FGF5: variants seen among roughly 807,000 people sequenced by gnomAD.
The protein encoded by FGF5 is fibroblast growth factor 5, also known as heparin-binding growth factor 5.
In FGF5, 23 loss-of-function variants were observed where a neutral mutation model predicts 21.8. The observed-to-expected ratio is 1.05, with a 90% CI of 0.76 to 1.49. The LOEUF is 1.49. FGF5 is among the 40% of genes most tolerant of loss of function. FGF5 has a pLI of 0.00. For synonymous variants in FGF5, 158 were observed against 124.0 expected (o/e 1.27, Z -1.82); for missense variants, 352 against 332.9 (o/e 1.06, Z -0.45).
chr4:80,278,597 T>C (rs143551409), intron 2 of FGF5, among the ~76,000 whole-genome samples: 6 of 152,302 alleles, frequency 3.9e-5, no homozygotes, highest in Non-Finnish European at 5.9e-5. Context: ...GACACAAATA[T>C]GGCAGACTGA....
At chr4:80,278,775 T>C (rs1189275951) in intron 2 of FGF5, among the ~76,000 whole-genome samples, 1 of 152,196 alleles carries the variant, frequency 6.6e-6, no homozygotes, top group East Asian at 1.9e-4. Context: ...CAAACTTTTA[T>C]TGGTATACTC....
chr4:80,273,627 C>T (rs1320167647), intron 1 of FGF5, among the ~76,000 whole-genome samples: 1 of 152,090 alleles, frequency 6.6e-6, no homozygotes, highest in African/African-American at 2.4e-5. Context: ...AGTATATATG[C>T]TTAGAATATT....
intron 1 of FGF5, 131 bp from the exon 2 acceptor site, chr4:80,274,778 G>A (rs1412081863): frequency 5.4e-6 from 3 of 558,584 alleles, no homozygotes; most frequent in South Asian, 2.4e-5. Flanking sequence ...TGAACAATAA[G>A]GATGTTAAAT....
intron 1 of FGF5, among the ~76,000 whole-genome samples, chr4:80,268,863 C>T (rs1004119007): frequency 6.6e-6 from 1 of 152,164 alleles, no homozygotes; most frequent in South Asian, 2.1e-4. Context: ...AATAACTGCT[C>T]ATTTGGGGGA....
At chr4:80,266,607 G>C (rs1720093719), upstream of FGF5, 1 of 544,400 alleles carries the variant, frequency 1.8e-6, no homozygotes, top group South Asian at 2.7e-5. Context: ...TCGCAGGCGT[G>C]CACGGAGCAG....
chr4:80,270,565 A>C (rs1221334501), intron 1 of FGF5, among the ~76,000 whole-genome samples: 1 of 152,208 alleles, frequency 6.6e-6, no homozygotes, highest in Non-Finnish European at 1.5e-5. Context: ...CCTTATTATG[A>C]GGAAATACTG....
At position 80,266,883 on chromosome 4, in the gene FGF5, C is replaced by A; in HGVS notation, c.59C>A (p.Ala20Asp). 1 of 1,612,748 alleles carries A rather than the reference C, an allele frequency of 6.2e-7. No individual in the cohort carries two copies. Among genetic ancestry groups the A allele is most frequent in the Non-Finnish European group, 8.5e-7 (1 of 1,179,384 alleles). Residue 20 changes from alanine to aspartate, a missense_variant, in exon 1 of 3, where the codon GCT (alanine) becomes GAT (aspartate). Coordinates refer to ENST00000312465, the MANE Select transcript of FGF5 (RefSeq NM_004464.4). ...AGCCACCTGATCCTCAGCGCCTGGG[C>A]TCACGGGGAGAAGCGTCTCGCCCCC... is the stretch of plus-strand genomic sequence containing the variant. ...FFSHLILSAWAHGEKRLAPKG... is the reference protein window; with the variant it reads ...FFSHLILSAWDHGEKRLAPKG...
At position 80,284,604 on chromosome 4, in the gene FGF5, C is replaced by A. The variant is rs1165882889; in HGVS notation, c.460-1721C>A. On this transcript the variant is annotated intron_variant, in intron 2 of 2. Coordinates refer to ENST00000312465, the MANE Select transcript of FGF5 (RefSeq NM_004464.4). Reference sequence around the variant, plus strand: ...CAATGGAACTTTGTTGATTGAACTACACTTAAATATAAGTAACTCCAGTAA... The same window carrying A: ...CAATGGAACTTTGTTGATTGAACTAAACTTAAATATAAGTAACTCCAGTAA... Among the ~76,000 whole-genome samples, 3 of 152,170 alleles carry A rather than the reference C, an allele frequency of 2.0e-5. No individual in the cohort carries two copies. In the East Asian group the frequency reaches 5.8e-4, roughly 29 times the overall value.
In FGF5 at chr4:80,286,587, G is replaced by C. The variant is rs766628874; in HGVS notation, c.722G>C (p.Ser241Thr). Residue 241 changes from serine to threonine, a missense_variant, in exon 3 of 3, where the codon AGC becomes ACC. Physicochemically the swap from Ser to Thr is moderately conservative, Grantham distance 58. Coordinates refer to ENST00000312465, the MANE Select transcript of FGF5 (RefSeq NM_004464.4). ...VTVPEKKKPP[S>T]PIKPKIPLSA... ...GTTCCTGAAAAGAAAAAGCCACCTA[G>C]CCCTATCAAGCCAAAGATTCCCCTT... The C allele has an allele frequency of 1.2e-6, 2 of 1,613,882 alleles. No individual in the cohort carries two copies. Among genetic ancestry groups the C allele is most frequent in the East Asian group, 2.2e-5 (1 of 44,882 alleles).
Position 80,267,109 on chromosome 4 carries a change from G to A in FGF5, c.285G>A (p.Val95=), listed in dbSNP as rs1287644814. Residue 95 remains valine, a synonymous_variant, in exon 1 of 3, where the codon GTG becomes GTA. Transcript: ENST00000312465. ...GRRTGSLYCR[V]GIGFHLQIYP... ...GGACCGGCAGCCTCTACTGCAGAGTGGGCATCGGTTTCCATCTGCAGATCT... is the reference window on the plus strand; with the variant it reads ...GGACCGGCAGCCTCTACTGCAGAGTAGGCATCGGTTTCCATCTGCAGATCT... The A allele has an allele frequency of 6.2e-7, 1 of 1,614,102 alleles. No homozygotes were observed. The highest frequency in any genetic ancestry group is 8.5e-7 in the Non-Finnish European group (1 of 1,179,998).
At chr4:80,277,727 G>A (rs949351771) in intron 2 of FGF5, among the ~76,000 whole-genome samples, 4 of 151,934 alleles carry the variant, frequency 2.6e-5, no homozygotes, top group South Asian at 2.1e-4. Flanking sequence ...AAAATTTTGC[G>A]GAGGCATTTA....
rs1303983421 is a variant in FGF5 at position 80,267,048 on chromosome 4, A to G, written c.224A>G (p.Glu75Gly). 1 of 1,614,224 alleles carries G rather than the reference A, an allele frequency of 6.2e-7. No individual in the cohort carries two copies. The highest frequency in any genetic ancestry group is 1.1e-5 in the South Asian group (1 of 91,084). Reference sequence around the variant, plus strand: ...CTGGGCAGCCAAGGAAGTGGCTTGGAGCAGAGCAGTTTCCAGTGGAGCCCC... The same window carrying G: ...CTGGGCAGCCAAGGAAGTGGCTTGGGGCAGAGCAGTTTCCAGTGGAGCCCC... ...ASLGSQGSGL[E>G]QSSFQWSPSG... Residue 75 changes from glutamate to glycine, a missense_variant, in exon 1 of 3, where the codon GAG becomes GGG. Coordinates refer to ENST00000312465, the MANE Select transcript of FGF5 (RefSeq NM_004464.4).
Position 80,266,873 on chromosome 4 carries a change from A to G in FGF5, c.49A>G (p.Ser17Gly). 2 of 1,611,108 alleles carry G rather than the reference A, an allele frequency of 1.2e-6. No individual in the cohort carries two copies. Among genetic ancestry groups the G allele is most frequent in the Middle Eastern group, 1.7e-4 (1 of 6,032 alleles). ...LLLFFSHLIL[S>G]AWAHGEKRLA... ...CCTCTTCTTCAGCCACCTGATCCTC[A>G]GCGCCTGGGCTCACGGGGAGAAGCG... Residue 17 changes from serine (S) to glycine (G), a missense_variant, in exon 1 of 3, where the codon AGC (serine) becomes GGC (glycine). By Grantham distance (56) the Ser-to-Gly change is moderately conservative (BLOSUM62 0). Coordinates refer to ENST00000312465, the MANE Select transcript of FGF5 (RefSeq NM_004464.4).
chr4:80,283,365 G>C (rs1173659251), intron 2 of FGF5, among the ~76,000 whole-genome samples: 1 of 151,964 alleles, frequency 6.6e-6, no homozygotes, highest in Non-Finnish European at 1.5e-5. Context: ...TCTTAAGAAA[G>C]AACTTTAGAA....
At chr4:80,268,635 T>A (rs1720182764) in intron 1 of FGF5, 1 of 489,480 alleles carries the variant, frequency 2.0e-6, no homozygotes, top group Admixed American at 6.4e-5. Flanking sequence ...GACCTGATGG[T>A]TCATGCTGAG....
At chr4:80,275,504 T>C (rs963545834) in intron 2 of FGF5, among the ~76,000 whole-genome samples, 8 of 152,020 alleles carry the variant, frequency 5.3e-5, no homozygotes, top group Non-Finnish European at 1.0e-4. Context: ...ACTCTGACTT[T>C]CATAGACAAA....
Position 80,267,168 on chromosome 4 carries a change from C to A in FGF5, c.344C>A (p.Ala115Asp). Residue 115 changes from alanine (A) to aspartate (D), a missense_variant, in exon 1 of 3, where the codon GCC becomes GAC. Physicochemically the swap from Ala to Asp is moderately radical, Grantham distance 126. Coordinates refer to ENST00000312465, the MANE Select transcript of FGF5 (RefSeq NM_004464.4). ...GGCAAAGTCAATGGATCCCACGAAGCCAATATGTTAAGTAAGTTACTCGCT... is the reference window on the plus strand; with the variant it reads ...GGCAAAGTCAATGGATCCCACGAAGACAATATGTTAAGTAAGTTACTCGCT... ...PDGKVNGSHE[A>D]NMLSVLEIFA... 1.2e-6 allele frequency: 2 copies of A among 1,605,830 alleles called. No homozygotes were observed. Among genetic ancestry groups the A allele is most frequent in the South Asian group, 1.1e-5 (1 of 90,122 alleles).
chr4:80,275,116 A>C, intron 2 of FGF5, 104 bp downstream of exon 2: 1 of 502,122 alleles, frequency 2.0e-6, no homozygotes, highest in South Asian at 3.8e-5. Context: ...TGCCCAAAGA[A>C]CTTAACTTTT....
In FGF5 at chr4:80,286,328, A is replaced by G. The variant is rs1413563721; in HGVS notation, c.463A>G (p.Lys155Glu). Residue 155 changes from lysine to glutamate, a missense_variant, in exon 3 of 3, where the codon AAG becomes GAG. Coordinates refer to ENST00000312465, the MANE Select transcript of FGF5 (RefSeq NM_004464.4). ...SKKGKLHASA[K>E]FTDDCKFRER... ...CCTCTTTTTTTCTCCTCCTTAGGCC[A>G]AGTTCACAGATGACTGCAAGTTCAG... 1 of 1,577,096 alleles carries G rather than the reference A, an allele frequency of 6.3e-7. No homozygotes were observed. The highest frequency in any genetic ancestry group is 1.9e-5 in the Admixed American group (1 of 53,348).
Sources: allele counts gnomAD v4.1 joint callset (sites outside exome capture counted in the v4.1 genomes callset), GRCh38; gene constraint gnomAD v4.1.1; transcripts MANE v1.5; gene names NCBI Gene and HGNC (gene_info 2026-07-23, HGNC 2026-07-21).